The following UBE2E2 variants were observed in gnomAD, a reference collection of about 807,000 sequenced individuals.
UBE2E2 encodes ubiquitin-conjugating enzyme E2 E2.
Under a neutral mutation model 24.7 loss-of-function variants are expected in UBE2E2, and 6 were observed. The observed-to-expected ratio is 0.24, with a 90% CI of 0.13 to 0.48. UBE2E2 has a LOEUF of 0.48. Among genes scored for constraint, UBE2E2 ranks in the 20% least tolerant of loss-of-function variants. UBE2E2 has a pLI of 0.99. For synonymous variants in UBE2E2, 104 were observed against 83.6 expected (o/e 1.24, Z -1.33); for missense variants, 169 against 245.0 (o/e 0.69, Z 2.07).
chr3:23,306,474 T>C (rs1699239457), intron 3 of UBE2E2, among the ~76,000 whole-genome samples: 1 of 152,242 alleles, frequency 6.6e-6, no homozygotes, highest in Non-Finnish European at 1.5e-5. Context: ...TATGTCTAAG[T>C]ATCAAACGAG....
chr3:23,391,808 G>T (rs1161785245), intron 3 of UBE2E2, among the ~76,000 whole-genome samples: 1 of 152,066 alleles, frequency 6.6e-6, no homozygotes, highest in Non-Finnish European at 1.5e-5. Context: ...GGAGAGTTTG[G>T]ATTGTGAGGG....
At chr3:23,469,578 A>C (rs990033063) in intron 3 of UBE2E2, among the ~76,000 whole-genome samples, 4 of 152,236 alleles carry the variant, frequency 2.6e-5, no homozygotes, top group Admixed American at 2.0e-4. Context: ...TGCATGCTTA[A>C]ATGATAAAGT....
intron 3 of UBE2E2, among the ~76,000 whole-genome samples, chr3:23,483,007 CTCTAA>C (rs1699288892): frequency 6.6e-6 from 1 of 152,304 alleles, no homozygotes; most frequent in East Asian, 1.9e-4. Context: ...ACTATAATAA[CTCTAA>C]TCTGTACTTT....
intron 3 of UBE2E2, among the ~76,000 whole-genome samples, chr3:23,311,439 A>G (rs1156543403): frequency 6.6e-6 from 1 of 152,208 alleles, no homozygotes; most frequent in Non-Finnish European, 1.5e-5. Context: ...TCCTTGAGGA[A>G]CCACCACACT....
intron 3 of UBE2E2, among the ~76,000 whole-genome samples, chr3:23,445,275 A>T (rs1158219419): frequency 6.6e-6 from 1 of 152,184 alleles, no homozygotes; most frequent in African/African-American, 2.4e-5. Context: ...ACATGTTGAC[A>T]TGCTCCATTT....
intron 5 of UBE2E2, among the ~76,000 whole-genome samples, chr3:23,551,927 C>A (rs1207531226): frequency 6.6e-6 from 1 of 152,142 alleles, no homozygotes; most frequent in Admixed American, 6.5e-5. Context: ...TAAACTAGGT[C>A]ATAAGGGTGG....
chr3:23,449,677 C>T (rs867729299), intron 3 of UBE2E2, among the ~76,000 whole-genome samples: 39 of 152,154 alleles, frequency 2.6e-4, no homozygotes, highest in Middle Eastern at 3.4e-3. Flanking sequence ...TGATTTTTTC[C>T]TAGGGGACTC....
At chr3:23,264,855 T>G (rs1358989172) in intron 3 of UBE2E2, among the ~76,000 whole-genome samples, 1 of 152,178 alleles carries the variant, frequency 6.6e-6, no homozygotes, top group Non-Finnish European at 1.5e-5. Flanking sequence ...GGTAATTATT[T>G]CCAGGTTAAG....
At chr3:23,482,484 A>G (rs953866611) in intron 3 of UBE2E2, among the ~76,000 whole-genome samples, 1 of 151,756 alleles carries the variant, frequency 6.6e-6, no homozygotes, top group Non-Finnish European at 1.5e-5. Context: ...ACCTTCCATC[A>G]CTTTTCTGTG....
chr3:23,218,167 A>G (rs1696530476), intron 3 of UBE2E2, among the ~76,000 whole-genome samples: 1 of 152,098 alleles, frequency 6.6e-6, no homozygotes, highest in African/African-American at 2.4e-5. Context: ...GCTTGGTATG[A>G]TTTCTGAGTT....
At chr3:23,321,191 A>AG (rs1157182915) in intron 3 of UBE2E2, among the ~76,000 whole-genome samples, 1 of 152,220 alleles carries the variant, frequency 6.6e-6, no homozygotes, top group African/African-American at 2.4e-5. Context: ...TTACAAGGAT[A>AG]TCAGTCATAC....
At chr3:23,555,553 C>T (rs571595476) in intron 5 of UBE2E2, among the ~76,000 whole-genome samples, 1 of 152,166 alleles carries the variant, frequency 6.6e-6, no homozygotes, top group Non-Finnish European at 1.5e-5. Context: ...ATATAGATAC[C>T]TGCACTCTCG....
intron 5 of UBE2E2, among the ~76,000 whole-genome samples, chr3:23,576,079 T>C (rs922848955): frequency 7.2e-5 from 11 of 152,124 alleles, no homozygotes; most frequent in Non-Finnish European, 1.5e-4. Flanking sequence ...GAAGGGGGTA[T>C]TGAGTTGAAG....
intron 3 of UBE2E2, among the ~76,000 whole-genome samples, chr3:23,313,671 C>T (rs1462775430): frequency 2.6e-5 from 4 of 152,052 alleles, no homozygotes; most frequent in Non-Finnish European, 2.9e-5. Flanking sequence ...GTGTGAGCCC[C>T]GGTGCCCAGC....
At chr3:23,333,360 G>A (rs1319645593) in intron 3 of UBE2E2, among the ~76,000 whole-genome samples, 2 of 152,192 alleles carry the variant, frequency 1.3e-5, no homozygotes, top group African/African-American at 4.8e-5. Context: ...GGACATTTCA[G>A]TGACTAGCCT....
chr3:23,582,492 G>A lies in UBE2E2; in HGVS notation c.509-7242G>A, dbSNP rs561659357. Among the ~76,000 whole-genome samples the A allele has an allele frequency of 2.0e-5, 3 of 152,250 alleles. No homozygotes were observed. The South Asian group carries it at 6.2e-4, about 32-fold the overall frequency. ...AAATCACCACACTGCTTTCCGCAGT[G>A]GTTTGTGGAAACGCTTTACACTCCC... On this transcript the variant is annotated intron_variant, in intron 5 of 5. Transcript: ENST00000396703.
At chr3:23,325,647 G>A (rs572641921) in intron 3 of UBE2E2, among the ~76,000 whole-genome samples, 32 of 152,266 alleles carry the variant, frequency 2.1e-4, no homozygotes, top group Middle Eastern at 3.4e-3. Context: ...AGTTATGAAC[G>A]TCCTCTCCGG....
chr3:23,209,937 G>T (rs1163160530), intron 2 of UBE2E2, among the ~76,000 whole-genome samples: 1 of 152,064 alleles, frequency 6.6e-6, no homozygotes, highest in Non-Finnish European at 1.5e-5. Context: ...AGAGAGCCCT[G>T]AACTTTAAAC....
intron 3 of UBE2E2, among the ~76,000 whole-genome samples, chr3:23,296,518 C>T (rs1389739673): frequency 6.6e-6 from 1 of 152,106 alleles, no homozygotes; most frequent in Non-Finnish European, 1.5e-5. Context: ...CCCATGTGTT[C>T]TCATTGTTCA....
Sources: gnomAD v4.1 joint callset for allele counts (sites outside exome capture counted in the v4.1 genomes callset) on GRCh38, gnomAD v4.1.1 for gene constraint, MANE v1.5 for transcripts, NCBI Gene and HGNC (gene_info 2026-07-23, HGNC 2026-07-21) for gene names.